GIPC2: variants seen among roughly 807,000 people sequenced by gnomAD.
GIPC2 encodes PDZ domain-containing protein GIPC2.
GIPC2 carries 30 observed loss-of-function variants against 30.6 expected under a neutral mutation model. The ratio of observed to expected loss-of-function variants is 0.98; its 90% CI spans 0.73 to 1.33. GIPC2 has a LOEUF of 1.33. GIPC2 is among the 40% of genes most tolerant of loss of function. GIPC2 has a pLI of 0.00. For synonymous variants in GIPC2, 167 were observed against 150.0 expected, an observed-to-expected ratio of 1.11 and a Z score of -0.83; for missense variants, 414 against 390.3, an observed-to-expected ratio of 1.06 and a Z score of -0.51.
chr1:78,096,698 T>C (rs1662142574), intron 3 of GIPC2, among the ~76,000 whole-genome samples: 1 of 152,200 alleles, frequency 6.6e-6, no homozygotes. Context: ...TTCACTGCCT[T>C]ATGTACCTAA....
chr1:78,063,911 A>AG lies in GIPC2; in HGVS notation c.241-16764_241-16763insG, dbSNP rs1390727051. On this transcript the variant is annotated intron_variant, in intron 1 of 5. Transcript: ENST00000370759. Reference sequence around the variant, plus strand: ...TGTCTCAAAAAGACAAAAAAAAAAAAAAAAAAAGATGGGATTCAATTGATT... The same window carrying AG: ...TGTCTCAAAAAGACAAAAAAAAAAAAGAAAAAAAGATGGGATTCAATTGATT... Among the ~76,000 whole-genome samples, 24 of 152,152 alleles carry AG rather than the reference A, an allele frequency of 1.6e-4. No homozygotes were observed. The East Asian group carries it at 4.1e-3, about 26-fold the overall frequency.
At chr1:78,111,240 TA>T (rs1265601751) in intron 3 of GIPC2, among the ~76,000 whole-genome samples, 1 of 152,078 alleles carries the variant, frequency 6.6e-6, no homozygotes, top group Non-Finnish European at 1.5e-5. Context: ...AAAACTGTAA[TA>T]GGGGATATTG....
chr1:78,091,363 C>T (rs978452756), intron 2 of GIPC2: 2 of 486,952 alleles, frequency 4.1e-6, no homozygotes, highest in Non-Finnish European at 7.5e-6. Flanking sequence ...GGCGACTGGA[C>T]ATGTAGCTCA....
chr1:78,089,463 A>G (rs1049703678), intron 2 of GIPC2, among the ~76,000 whole-genome samples: 1 of 152,248 alleles, frequency 6.6e-6, no homozygotes, highest in Non-Finnish European at 1.5e-5. Context: ...GGAGAGATCA[A>G]TGGCAGAAAA....
chr1:78,050,629 C>CTTT (rs562172009), intron 1 of GIPC2, among the ~76,000 whole-genome samples: 2 of 146,108 alleles, frequency 1.4e-5, no homozygotes, highest in African/African-American at 2.5e-5. Context: ...TACATACCAT[C>CTTT]TTTTTTTTTT....
chr1:78,116,515 T>C (rs1022388668), intron 3 of GIPC2, among the ~76,000 whole-genome samples: 22 of 142,514 alleles, frequency 1.5e-4, no homozygotes, highest in South Asian at 2.3e-4. Flanking sequence ...CTCCCCCCAC[T>C]CCACAACAGG....
At chr1:78,117,016 T>G (rs1662580272) in intron 3 of GIPC2, among the ~76,000 whole-genome samples, 1 of 94,242 alleles carries the variant, frequency 1.1e-5, no homozygotes. Flanking sequence ...CTCCAGCACC[T>G]GTTTCCTGAC....
Position 78,046,304 on chromosome 1 carries a change from C to G in GIPC2, c.210C>G (p.Ile70Met), listed in dbSNP as rs1661081860. The stretch of plus-strand genomic sequence containing the variant: ...GCATCCAGGAGCTCTACGCCCAGAT[C>G]GCGGGCGCGTTTGAAATCTCGCCGT... ...FSSIQELYAQ[I>M]AGAFEISPSE... Residue 70 changes from isoleucine (I) to methionine (M), a missense_variant, in exon 1 of 6, where the codon ATC becomes ATG. Physicochemically the swap from Ile to Met is conservative, Grantham distance 10. Coordinates refer to ENST00000370759, the MANE Select transcript of GIPC2 (RefSeq NM_017655.6). 3.7e-6 allele frequency: 6 copies of G among 1,611,476 alleles called. No homozygotes were observed. In the East Asian group the frequency reaches 1.1e-4, roughly 30 times the overall value.
intron 2 of GIPC2, among the ~76,000 whole-genome samples, chr1:78,087,802 A>G (rs1352010466): frequency 6.6e-6 from 1 of 152,204 alleles, no homozygotes; most frequent in South Asian, 2.1e-4. Flanking sequence ...AGCAAGAGAA[A>G]CTATCAACAG....
At chr1:78,107,954 A>G (rs1662391843) in intron 3 of GIPC2, among the ~76,000 whole-genome samples, 1 of 151,960 alleles carries the variant, frequency 6.6e-6, no homozygotes, top group South Asian at 2.1e-4. Context: ...ATTTTATTAT[A>G]AATAGTTCCA....
At chr1:78,112,071 A>G (rs149074685) in intron 3 of GIPC2, among the ~76,000 whole-genome samples, 10 of 152,356 alleles carry the variant, frequency 6.6e-5, no homozygotes, top group African/African-American at 2.2e-4. Flanking sequence ...AAGTCCTTGT[A>G]AGATGTTTTA....
intron 3 of GIPC2, among the ~76,000 whole-genome samples, chr1:78,110,751 T>G (rs1662451876): frequency 6.6e-6 from 1 of 152,252 alleles, no homozygotes; most frequent in Non-Finnish European, 1.5e-5. Context: ...CCATCTAGCC[T>G]TGCTGTCTTT....
chr1:78,117,392 C>A (rs1229057406), intron 3 of GIPC2, among the ~76,000 whole-genome samples: 1 of 152,106 alleles, frequency 6.6e-6, no homozygotes, highest in Non-Finnish European at 1.5e-5. Flanking sequence ...GTACTGGTTT[C>A]ATGGAAGACA....
chr1:78,092,027 A>T, intron 2 of GIPC2: 5 of 1,528,404 alleles, frequency 3.3e-6, no homozygotes, highest in Non-Finnish European at 4.5e-6. Context: ...ATCAGGACTC[A>T]TCGCCCTCCT....
Position 78,135,830 on chromosome 1 carries a change from C to T in GIPC2, c.*87C>T. On this transcript the variant is annotated 3_prime_UTR_variant, in exon 6 of 6. Coordinates refer to ENST00000370759, the MANE Select transcript of GIPC2 (RefSeq NM_017655.6). ...TCCTATAAGATCTGTTTTTGGACAC[C>T]TTTACTAACTCTGGTTTAATTTCAT... The T allele has an allele frequency of 9.9e-7, 1 of 1,005,732 alleles. No homozygotes were observed. The highest frequency in any genetic ancestry group is 1.5e-6 in the Non-Finnish European group (1 of 668,450). 62.3% of individuals were successfully genotyped at this position (1,005,732 alleles called of 1,614,324 possible).
intron 3 of GIPC2, among the ~76,000 whole-genome samples, chr1:78,095,368 CAA>C (rs1662119496): frequency 6.6e-6 from 1 of 152,128 alleles, no homozygotes; most frequent in Non-Finnish European, 1.5e-5. Flanking sequence ...TTTGAAATTA[CAA>C]AGTCTAATGT....
intron 1 of GIPC2, among the ~76,000 whole-genome samples, chr1:78,057,337 A>G (rs1293773154): frequency 6.6e-6 from 1 of 152,150 alleles, no homozygotes; most frequent in Non-Finnish European, 1.5e-5. Context: ...AAACCCTCTC[A>G]GCTATACCCT....
chr1:78,080,752 C>T lies in GIPC2; in HGVS notation c.318C>T (p.Phe106=). 6.2e-7 allele frequency: 1 copy of T among 1,607,604 alleles called. No homozygotes were observed. The highest frequency in any genetic ancestry group is 8.5e-7 in the Non-Finnish European group (1 of 1,174,200). ...LLGGQLGLED[F]IFAHVKGIEK... ...GAGGACAACTAGGACTAGAAGATTT[C>T]ATATTTGCCCATGTGAAAGGAATCG... Residue 106 remains phenylalanine, a synonymous_variant, in exon 2 of 6, where the codon TTC becomes TTT. Coordinates refer to ENST00000370759, the MANE Select transcript of GIPC2 (RefSeq NM_017655.6).
chr1:78,119,376 T>A lies in GIPC2; in HGVS notation c.608-17T>A, dbSNP rs1394090511. On this transcript the variant is annotated splice_polypyrimidine_tract_variant and intron_variant, in intron 3 of 5. Transcript: ENST00000370759. ...CTTTCTGTGTATATGTATGTTTCCC[T>A]GTTCATTGTATTGTAGAAATAGAGC... 1 of 1,398,006 alleles carries A rather than the reference T, an allele frequency of 7.2e-7. No individual in the cohort carries two copies. The highest frequency in any genetic ancestry group is 1.4e-5 in the African/African-American group (1 of 70,922). The allele number at this position is 1,398,006 out of a possible 1,614,324, so 86.6% of individuals were successfully genotyped here. A position where few individuals can be genotyped will look rare whatever the true frequency, so the allele number is the denominator to read the frequency against.
Sources: gnomAD v4.1 joint callset for allele counts (sites outside exome capture counted in the v4.1 genomes callset) on GRCh38, gnomAD v4.1.1 for gene constraint, MANE v1.5 for transcripts, NCBI Gene and HGNC (gene_info 2026-07-23, HGNC 2026-07-21) for gene names.